The following MACROD2 variants were observed in gnomAD, a reference collection of about 807,000 sequenced individuals.
MACROD2 encodes ADP-ribose glycohydrolase MACROD2.
Under a neutral mutation model 70.4 loss-of-function variants are expected in MACROD2, and 36 were observed. The ratio of observed to expected loss-of-function variants is 0.51; its 90% CI spans 0.39 to 0.68. The LOEUF is 0.68. MACROD2 is among the 30% of genes least tolerant of loss of function. The pLI is 0.00. For synonymous variants in MACROD2, 172 were observed against 178.8 expected, an observed-to-expected ratio of 0.96 and a Z score of 0.30; for missense variants, 496 against 538.4, an observed-to-expected ratio of 0.92 and a Z score of 0.78.
At chr20:15,799,102 A>C (rs1173519681) in intron 8 of MACROD2, among the ~76,000 whole-genome samples, 1 of 152,180 alleles carries the variant, frequency 6.6e-6, no homozygotes, top group Non-Finnish European at 1.5e-5. Context: ...AGAGCTTATG[A>C]TCTTTTGGGA....
chr20:14,161,946 T>A (rs1326409467), intron 3 of MACROD2, among the ~76,000 whole-genome samples: 1 of 152,202 alleles, frequency 6.6e-6, no homozygotes. Context: ...ACTGCTGCAA[T>A]AAACATGAGT....
chr20:15,672,635 G>A (rs2049996839), intron 8 of MACROD2, among the ~76,000 whole-genome samples: 1 of 152,102 alleles, frequency 6.6e-6, no homozygotes, highest in Non-Finnish European at 1.5e-5. Flanking sequence ...TGGCCATGGT[G>A]GTGCATCAGA....
At chr20:14,872,494 A>G (rs1232318797) in intron 5 of MACROD2, among the ~76,000 whole-genome samples, 1 of 152,112 alleles carries the variant, frequency 6.6e-6, no homozygotes, top group East Asian at 1.9e-4. Context: ...CTACCATTTC[A>G]GTAATCAGAG....
intron 6 of MACROD2, among the ~76,000 whole-genome samples, chr20:15,337,662 G>A (rs1405783239): frequency 6.6e-6 from 1 of 151,462 alleles, no homozygotes; most frequent in East Asian, 1.9e-4. Context: ...ACAACATATT[G>A]TTAGTAACTA....
chr20:15,374,434 AT>A (rs1162473651), intron 6 of MACROD2, among the ~76,000 whole-genome samples: 1 of 151,880 alleles, frequency 6.6e-6, no homozygotes, highest in Non-Finnish European at 1.5e-5. Context: ...TCTCTTTTCT[AT>A]TTTTCAACTA....
chr20:14,528,259 G>A (rs111226495), intron 4 of MACROD2, among the ~76,000 whole-genome samples: 24 of 150,064 alleles, frequency 1.6e-4, no homozygotes, highest in African/African-American at 3.7e-4. Flanking sequence ...ACAGGCATGC[G>A]CCACCACACC....
intron 5 of MACROD2, among the ~76,000 whole-genome samples, chr20:15,007,178 C>G (rs1266886211): frequency 6.6e-6 from 1 of 151,994 alleles, no homozygotes; most frequent in Non-Finnish European, 1.5e-5. Flanking sequence ...TCCTGGCTAA[C>G]ATGGTGAAAC....
At chr20:14,924,603 T>A (rs1008229279) in intron 5 of MACROD2, among the ~76,000 whole-genome samples, 11 of 152,108 alleles carry the variant, frequency 7.2e-5, no homozygotes, top group Admixed American at 2.0e-4. Context: ...TTTGTATAGA[T>A]AAGCAGAGTA....
At chr20:14,080,645 T>C (rs1242652832) in intron 2 of MACROD2, among the ~76,000 whole-genome samples, 2 of 151,472 alleles carry the variant, frequency 1.3e-5, no homozygotes, top group African/African-American at 4.8e-5. Context: ...AATGGAAAAC[T>C]ATAGTGTACC....
At chr20:15,185,191 T>C (rs981375314) in intron 5 of MACROD2, among the ~76,000 whole-genome samples, 3 of 152,154 alleles carry the variant, frequency 2.0e-5, no homozygotes, top group Non-Finnish European at 2.9e-5. Flanking sequence ...ATTTGTCAAA[T>C]TGATGAATGA....
chr20:15,052,621 T>G (rs552571414), intron 5 of MACROD2, among the ~76,000 whole-genome samples: 1 of 152,324 alleles, frequency 6.6e-6, no homozygotes, highest in South Asian at 2.1e-4. Context: ...TCCACTGACC[T>G]GTCATTCCCC....
intron 5 of MACROD2, among the ~76,000 whole-genome samples, chr20:14,980,668 C>A (rs985189616): frequency 1.3e-5 from 2 of 152,034 alleles, no homozygotes; most frequent in Non-Finnish European, 2.9e-5. Flanking sequence ...CTCTAGTGAC[C>A]CTATTTGTGA....
chr20:14,432,878 G>A (rs948495883), intron 3 of MACROD2, among the ~76,000 whole-genome samples: 14 of 151,984 alleles, frequency 9.2e-5, no homozygotes, highest in Non-Finnish European at 2.1e-4. Context: ...TGTTAATTTG[G>A]TGCAACTTTG....
chr20:14,062,271 T>A (rs191490617), intron 2 of MACROD2, among the ~76,000 whole-genome samples: 1 of 152,288 alleles, frequency 6.6e-6, no homozygotes, highest in Non-Finnish European at 1.5e-5. Context: ...AATGTTTGAG[T>A]GTTTACCATG....
intron 4 of MACROD2, among the ~76,000 whole-genome samples, chr20:14,589,975 A>G (rs1159273660): frequency 6.6e-6 from 1 of 152,196 alleles, no homozygotes; most frequent in East Asian, 1.9e-4. Flanking sequence ...GAAGTGTTAT[A>G]TTGAGCCATG....
At chr20:14,078,115 T>C (rs1193205109) in intron 2 of MACROD2, among the ~76,000 whole-genome samples, 1 of 152,082 alleles carries the variant, frequency 6.6e-6, no homozygotes, top group Admixed American at 6.5e-5. Flanking sequence ...TTGGTCAGGC[T>C]GATCTCGAAC....
chr20:15,759,351 A>G (rs78658632), intron 8 of MACROD2, among the ~76,000 whole-genome samples: 4,869 of 152,234 alleles, frequency 0.032, 225 homozygotes, highest in African/African-American at 0.11. Context: ...TGGAAGTAAA[A>G]ATAATTACTA....
rs563818988 is a variant in MACROD2, at chr20:14,957,028, A to G, written c.418+272069A>G. 5.8e-4 allele frequency among the ~76,000 whole-genome samples: 89 copies of G among 152,310 alleles called. 1 individual carries two copies. The South Asian group carries it at 7.1e-3, about 12-fold the overall frequency. ...TACTTTATTTGTACTTATCTTTGACAATAAGCAATAATACTCATAAATTCA... is the reference window on the plus strand; with the variant it reads ...TACTTTATTTGTACTTATCTTTGACGATAAGCAATAATACTCATAAATTCA... On this transcript the variant is annotated intron_variant, in intron 5 of 17. Transcript: ENST00000684519.
chr20:15,488,985 C>T (rs967729867), intron 7 of MACROD2, among the ~76,000 whole-genome samples: 2 of 152,156 alleles, frequency 1.3e-5, no homozygotes, highest in African/African-American at 2.4e-5. Flanking sequence ...CCGAAATAGA[C>T]ACTGGAGCTC....
Sources: allele counts gnomAD v4.1 joint callset (sites outside exome capture counted in the v4.1 genomes callset), GRCh38; gene constraint gnomAD v4.1.1; transcripts MANE v1.5; gene names NCBI Gene and HGNC (gene_info 2026-07-23, HGNC 2026-07-21).